Variants in RIN2 observed in about 807,000 individuals in gnomAD.
RIN2 encodes the protein RAB5 interacting protein 2.
RIN2 carries 36 observed loss-of-function variants against 78.0 expected under a neutral mutation model. The ratio of observed to expected loss-of-function variants is 0.46; its 90% CI spans 0.35 to 0.61. The LOEUF (loss-of-function observed/expected upper bound fraction) is 0.61. RIN2 is among the 20% of genes least tolerant of loss of function. RIN2 has a pLI of 0.00. For synonymous variants in RIN2, 466 were observed against 466.8 expected, an observed-to-expected ratio of 1.00 and a Z score of 0.02; for missense variants, 1,087 against 1,159.7, an observed-to-expected ratio of 0.94 and a Z score of 0.91.
intron 2 of RIN2, among the ~76,000 whole-genome samples, chr20:19,870,233 C>A (rs1250365747): frequency 6.6e-6 from 1 of 152,158 alleles, no homozygotes; most frequent in Admixed American, 6.5e-5. Flanking sequence ...ACCCGAGATG[C>A]CAATTGTTAT....
intron 2 of RIN2, among the ~76,000 whole-genome samples, chr20:19,810,878 GTT>G (rs71198025): frequency 0.15 from 19,837 of 135,390 alleles, 1,744 homozygotes; most frequent in African/African-American, 0.26. Flanking sequence ...GTGTGTGTGT[GTT>G]TTTTTTTTTT....
chr20:19,996,905 G>C, intron 12 of RIN2, 63 bp downstream of exon 12: 1 of 1,471,486 alleles, frequency 6.8e-7, no homozygotes, highest in Non-Finnish European at 9.1e-7. Flanking sequence ...GGCTCACCCA[G>C]CACATCCCAG....
At chr20:19,858,187 C>T (rs1174977765) in intron 2 of RIN2, among the ~76,000 whole-genome samples, 2 of 152,000 alleles carry the variant, frequency 1.3e-5, no homozygotes, top group Non-Finnish European at 1.5e-5. Context: ...TTTGCCTACT[C>T]CTTGTTTTTC....
chr20:19,758,031 T>A (rs951382839), upstream of RIN2: 1 of 152,310 alleles, frequency 6.6e-6, no homozygotes, highest in African/African-American at 2.4e-5. Context: ...GCAGGCGCCT[T>A]GGTCGCTGCC....
chr20:19,856,116 C>G (rs963221945), intron 2 of RIN2, among the ~76,000 whole-genome samples: 4 of 152,094 alleles, frequency 2.6e-5, no homozygotes, highest in African/African-American at 9.7e-5. Flanking sequence ...GACGCTACAT[C>G]ATGAATGTCC....
intron 1 of RIN2, among the ~76,000 whole-genome samples, chr20:19,789,199 G>T (rs937160282): frequency 5.9e-5 from 9 of 152,248 alleles, no homozygotes; most frequent in African/African-American, 2.2e-4. Flanking sequence ...CACAGATGGC[G>T]CTAGTCAGTT....
At chr20:19,836,920 A>C (rs1008433286) in intron 2 of RIN2, among the ~76,000 whole-genome samples, 36 of 152,308 alleles carry the variant, frequency 2.4e-4, no homozygotes, top group African/African-American at 8.4e-4. Context: ...TCAGAGTCTT[A>C]GTGACAAGTA....
At chr20:19,932,892 G>C (rs558041164) in intron 3 of RIN2, among the ~76,000 whole-genome samples, 1 of 152,122 alleles carries the variant, frequency 6.6e-6, no homozygotes, top group South Asian at 2.1e-4. Flanking sequence ...CTTCCCCATT[G>C]CTCCCATCTC....
intron 2 of RIN2, chr20:19,886,711 G>A (rs759953130): frequency 1.3e-6 from 2 of 1,549,016 alleles, no homozygotes; most frequent in South Asian, 1.2e-5. Flanking sequence ...TACCCTTCAG[G>A]GAAGCCAGGA....
At chr20:19,999,506 C>G (rs930219344) in intron 12 of RIN2, among the ~76,000 whole-genome samples, 1 of 152,242 alleles carries the variant, frequency 6.6e-6, no homozygotes, top group Non-Finnish European at 1.5e-5. Context: ...CTTCCCTTCA[C>G]TGCTGAGCAG....
intron 12 of RIN2, among the ~76,000 whole-genome samples, chr20:19,998,253 A>T (rs1201608100): frequency 6.6e-6 from 1 of 151,472 alleles, no homozygotes; most frequent in Non-Finnish European, 1.5e-5. Flanking sequence ...AAGTGCTGGG[A>T]TTACAGGCGT....
rs1443478057 is a variant in RIN2 at position 19,975,160 on chromosome 20, G to C, written c.1135G>C (p.Gly379Arg). The C allele has an allele frequency of 3.7e-6, 6 of 1,612,154 alleles. No homozygotes were observed. Among genetic ancestry groups the C allele is most frequent in the Non-Finnish European group, 5.1e-6 (6 of 1,179,536 alleles). ...EAEGGAKTLS[G>R]GRPGAGPELE... is the part of the protein sequence containing the mutation. ...AGAGGGCGGTGCAAAGACCTTGAGC[G>C]GCGGCCGGCCGGGCGCAGGCCCGGA... is the stretch of plus-strand genomic sequence containing the variant. Residue 379 changes from glycine to arginine, a missense_variant, in exon 9 of 13, where the codon GGC (glycine) becomes CGC (arginine). Physicochemically the swap from Gly to Arg is moderately radical, Grantham distance 125 (BLOSUM62 -2). Around this residue, in one of 8 missense-constraint regions of RIN2, gnomAD observed 706 missense variants for 667.5 expected, o/e 1.06. Coordinates refer to ENST00000255006, the MANE Select transcript of RIN2 (RefSeq NM_018993.4). This position sits in a 1 kb window ranked among gnomAD's most constrained non-coding sequence, Gnocchi z 4.9.
chr20:19,924,432 C>T (rs1377218372), intron 3 of RIN2, among the ~76,000 whole-genome samples: 1 of 72,562 alleles, frequency 1.4e-5, no homozygotes, highest in African/African-American at 5.7e-5. Flanking sequence ...ACTTTCATAC[C>T]CCCACCTTCA....
rs867245109 is a variant in RIN2, at chr20:19,956,732, CA to C, written c.277del (p.Thr93ProfsTer8). On this transcript the variant is annotated frameshift_variant, in exon 5 of 13. Coordinates refer to ENST00000255006, the MANE Select transcript of RIN2 (RefSeq NM_018993.4). LOFTEE classifies it high-confidence loss of function. ...TCAGCATCTTGGACCGGCTCCTCCA[CA>C]CCCACCCCATATGGCTGCAGCTGAG... ...RLSILDRLLH[T>X]HPIWLQLSLS... 6.2e-7 allele frequency: 1 copy of C among 1,610,062 alleles called. No individual in the cohort carries two copies. Among genetic ancestry groups the C allele is most frequent in the Non-Finnish European group, 8.5e-7 (1 of 1,178,354 alleles).
chr20:19,969,027 G>C (rs972582891), intron 7 of RIN2, among the ~76,000 whole-genome samples: 1 of 152,244 alleles, frequency 6.6e-6, no homozygotes, highest in Non-Finnish European at 1.5e-5. Flanking sequence ...ATATGGGCCT[G>C]ACCCCCAAGA....
chr20:19,926,832 G>A (rs2040243964), intron 3 of RIN2, among the ~76,000 whole-genome samples: 1 of 152,216 alleles, frequency 6.6e-6, no homozygotes, highest in Non-Finnish European at 1.5e-5. Context: ...GGAATTTGAA[G>A]AGCGCTGTAT....
chr20:19,843,745 T>A (rs1042636495), intron 2 of RIN2, among the ~76,000 whole-genome samples: 1 of 152,178 alleles, frequency 6.6e-6, no homozygotes, highest in East Asian at 1.9e-4. Context: ...TCCACCAGCA[T>A]GCGCGAATAT....
At chr20:19,966,889 A>G (rs1236142730) in intron 7 of RIN2, among the ~76,000 whole-genome samples, 1 of 150,378 alleles carries the variant, frequency 6.6e-6, no homozygotes, top group Non-Finnish European at 1.5e-5. Flanking sequence ...GCTGGTGCAG[A>G]AGCACAGCCC....
At chr20:19,889,511 TAGAA>T in intron 2 of RIN2, 51 bp from the exon 3 acceptor site, 2 of 1,483,720 alleles carry the variant, frequency 1.3e-6, no homozygotes, top group Non-Finnish European at 1.8e-6. Flanking sequence ...TTCTGTGGCT[TAGAA>T]AGGAATTTCC....
Sources: allele counts gnomAD v4.1 joint callset (sites outside exome capture counted in the v4.1 genomes callset), GRCh38; gene constraint gnomAD v4.1.1; regional missense constraint gnomAD v4.1.1; non-coding constraint Gnocchi (gnomAD v3.1); transcripts MANE v1.5; gene names NCBI Gene and HGNC (gene_info 2026-07-23, HGNC 2026-07-21).